Variants in RGL3 observed in about 807,000 individuals in gnomAD.
The protein encoded by RGL3 is ral guanine nucleotide dissociation stimulator-like 3.
In RGL3, 85 loss-of-function variants were observed where a neutral mutation model predicts 90.6. The ratio of observed to expected loss-of-function variants is 0.94; its 90% CI spans 0.79 to 1.12. The LOEUF (loss-of-function observed/expected upper bound fraction) is 1.12, where lower values mean the gene tolerates loss of function less well. Ranked by LOEUF, RGL3 falls within the 50% of genes most tolerant of loss-of-function variation. The pLI is 0.00. For synonymous variants in RGL3, 408 were observed against 385.5 expected, an observed-to-expected ratio of 1.06 and a Z score of -0.68; for missense variants, 1,034 against 939.2, an observed-to-expected ratio of 1.10 and a Z score of -1.32.
Position 11,414,504 on chromosome 19 carries a change from T to TATATATATACACCTTC in RGL3, c.637+1432_637+1433insGAAGGTGTATATATAT, listed in dbSNP as rs1555720236. Among the ~76,000 whole-genome samples, 344 of 96,662 alleles carry TATATATATACACCTTC rather than the reference T, an allele frequency of 3.6e-3. 23 individuals are homozygous for TATATATATACACCTTC. Among genetic ancestry groups the TATATATATACACCTTC allele is most frequent in the East Asian group, 0.027 (78 of 2,856 alleles). 63.4% of individuals were successfully genotyped at this position (96,662 alleles called of 152,430 possible). A position where few individuals can be genotyped will look rare whatever the true frequency, so the allele number is the denominator to read the frequency against. On this transcript the variant is annotated intron_variant, in intron 5 of 18. Coordinates refer to ENST00000380456, the MANE Select transcript of RGL3 (RefSeq NM_001035223.4). ...ATATACACCTTCATATATATATATA[T>TATATATATACACCTTC]ATATATATATATATATATATATATA...
At chr19:11,412,297 A>T (rs1009758831) in intron 5 of RGL3, among the ~76,000 whole-genome samples, 6 of 151,632 alleles carry the variant, frequency 4.0e-5, no homozygotes, top group Non-Finnish European at 8.8e-5. Flanking sequence ...AAAAAAAAAA[A>T]AAGTAAGCCT....
Position 11,394,470 on chromosome 19 carries a change from C to T in RGL3, c.2065G>A (p.Ala689Thr), listed in dbSNP as rs149297688. 5.3e-4 allele frequency: 851 copies of T among 1,613,914 alleles called. 13 individuals carry two copies. The East Asian group carries it at 0.014, about 26-fold the overall frequency. ...CGCCGCAGCATGAAGTCTCTGGGGG[C>T]GACTGGACTCATGGCATAGAAGACG... The part of the protein sequence containing the change: ...ANVFYAMSPV[A>T]PRDFMLRRKE... The change falls in exon 19 of 19, where the codon GCC (alanine) becomes ACC (threonine). Residue 689 changes from alanine (A) to threonine (T), a missense_variant. Ala to Thr is a moderately conservative substitution (Grantham distance 58). Transcript: ENST00000380456.
At chr19:11,397,177 T>C in intron 18 of RGL3, 67 bp downstream of exon 18, 1 of 1,363,068 alleles carries the variant, frequency 7.3e-7, no homozygotes, top group African/African-American at 1.4e-5. Flanking sequence ...GCTCCATCCT[T>C]GGGCGTGGTC....
rs1432005181 is a variant in RGL3, at chr19:11,414,159, A to ACC, written c.637+1777_637+1778insGG. ...CATATATATATATATATATATATAT[A>ACC]TATATATATATATATATACACCTAT... On this transcript the variant is annotated intron_variant, in intron 5 of 18. Coordinates refer to ENST00000380456, the MANE Select transcript of RGL3 (RefSeq NM_001035223.4). Among the ~76,000 whole-genome samples, 206 of 112,630 alleles carry ACC rather than the reference A, an allele frequency of 1.8e-3. 12 individuals are homozygous for ACC. Among genetic ancestry groups the ACC allele is most frequent in the South Asian group, 5.6e-3 (20 of 3,552 alleles). 73.9% of individuals were successfully genotyped at this position (112,630 alleles called of 152,430 possible).
chr19:11,406,984 T>A, intron 5 of RGL3, 120 bp from the exon 6 acceptor site: 2 of 1,045,676 alleles, frequency 1.9e-6, no homozygotes, highest in Non-Finnish European at 2.7e-6. Flanking sequence ...CGGAGAGCTC[T>A]CTTAAATTTT....
rs1197086931 is a variant in RGL3, at chr19:11,394,351, G to A, written c.*51C>T. On this transcript the variant is annotated 3_prime_UTR_variant, in exon 19 of 19. Transcript: ENST00000380456. The stretch of plus-strand genomic sequence containing the variant: ...GGGATGGCAGCTTTCCAGGAGAAGA[G>A]TCGCAAGCTTGCCTGTGGGACTTGT... The A allele has an allele frequency of 7.0e-7, 1 of 1,420,356 alleles. No individual in the cohort carries two copies. Among genetic ancestry groups the A allele is most frequent in the Non-Finnish European group, 1.0e-6 (1 of 1,004,054 alleles). The allele number at this position is 1,420,356 out of a possible 1,614,324, so 88.0% of individuals were successfully genotyped here. A position where few individuals can be genotyped will look rare whatever the true frequency, so the allele number is the denominator to read the frequency against.
At chr19:11,399,988 G>A (rs1477759871) in intron 15 of RGL3, 37 bp from the exon 16 acceptor site, 1 of 1,584,084 alleles carries the variant, frequency 6.3e-7, no homozygotes, top group Non-Finnish European at 8.6e-7. Flanking sequence ...GGGTGGCTGT[G>A]CTGACTCCTG....
chr19:11,403,349 T>C (rs1423264780), intron 9 of RGL3, among the ~76,000 whole-genome samples: 1 of 143,518 alleles, frequency 7.0e-6, no homozygotes, highest in African/African-American at 2.5e-5. Context: ...AAATTTTTTT[T>C]AAGAAAGGGC....
chr19:11,409,697 T>C (rs772368793), intron 5 of RGL3, among the ~76,000 whole-genome samples: 2 of 152,168 alleles, frequency 1.3e-5, no homozygotes, highest in Non-Finnish European at 2.9e-5. Context: ...CCAGAACCTA[T>C]GTTGCTGTCT....
At position 11,399,919 on chromosome 19, in the gene RGL3, C is replaced by T; in HGVS notation, c.1682G>A (p.Arg561Lys). ...ACTGCCAGCAGGAGCATCTCTGCTT[C>T]TAGGACTTGAGGGGGGTGACCCTGG... ...VSPGSPPSSP[R>K]SRDAPAGSPP... The change falls in exon 16 of 19, where the codon AGA becomes AAA. Residue 561 changes from arginine to lysine, a missense_variant. Coordinates refer to ENST00000380456, the MANE Select transcript of RGL3 (RefSeq NM_001035223.4). 6.5e-7 allele frequency: 1 copy of T among 1,539,356 alleles called. No homozygotes were observed. Among genetic ancestry groups the T allele is most frequent in the East Asian group, 2.4e-5 (1 of 41,444 alleles).
rs202052626 is a variant in RGL3 at position 11,417,032 on chromosome 19, G to A, written c.175C>T (p.Leu59Phe). ...QAPSPIANTF[L>F]HYRTSKVRVL... is the part of the protein sequence containing the mutation. ...CTCACCTTGCTGGTTCGATAGTGGA[G>A]GAAGGTATTGGCAATGGGGCTGGGA... is the stretch of plus-strand genomic sequence containing the variant. Residue 59 changes from leucine (L) to phenylalanine (F), a missense_variant, in exon 3 of 19, where the codon CTC becomes TTC. Coordinates refer to ENST00000380456, the MANE Select transcript of RGL3 (RefSeq NM_001035223.4). The A allele has an allele frequency of 5.6e-6, 9 of 1,609,482 alleles. No individual in the cohort carries two copies. In the East Asian group the frequency reaches 1.8e-4, roughly 32 times the overall value.
rs1327594726 is a variant in RGL3 at position 11,415,959 on chromosome 19, C to G, written c.615G>C (p.Glu205Asp). The G allele has an allele frequency of 1.2e-6, 2 of 1,613,644 alleles. No individual in the cohort carries two copies. Among genetic ancestry groups the G allele is most frequent in the African/African-American group, 1.3e-5 (1 of 74,998 alleles). The stretch of plus-strand genomic sequence containing the variant: ...CACCTGTCCACACCTGAGGCGGCTC[C>G]TCTTCCTGCTCTCGCTCAGCCTCCT... Reference protein sequence around the residue: ...FLEEAEREQEEEPPQVWTGPP... With the variant: ...FLEEAEREQEDEPPQVWTGPP... Residue 205 changes from glutamate to aspartate, a missense_variant, in exon 5 of 19, where the codon GAG becomes GAC. Coordinates refer to ENST00000380456, the MANE Select transcript of RGL3 (RefSeq NM_001035223.4).
At chr19:11,416,359 T>C in intron 4 of RGL3, 1 of 616,010 alleles carries the variant, frequency 1.6e-6, no homozygotes, top group East Asian at 2.7e-5. Flanking sequence ...GCTACCTTTT[T>C]TTGTTGTTGT....
chr19:11,400,284 G>A lies in RGL3; in HGVS notation c.1498C>T (p.Arg500Trp), dbSNP rs201767762. 9.2e-5 allele frequency: 146 copies of A among 1,591,158 alleles called. No homozygotes were observed. The highest frequency in any genetic ancestry group is 1.1e-4 in the Non-Finnish European group (134 of 1,168,790). Residue 500 changes from arginine (R) to tryptophan (W), a missense_variant, in exon 14 of 19, where the codon CGG becomes TGG. Coordinates refer to ENST00000380456, the MANE Select transcript of RGL3 (RefSeq NM_001035223.4). ...LTEEQSYRLSRVIEPPAASCP... is the reference protein window; with the variant it reads ...LTEEQSYRLSWVIEPPAASCP... Reference sequence around the variant, plus strand: ...GAGGCAGCTGGTGGCTCAATGACCCGGGAGAGCCGGTAGCTGAGGGGTCAA... The same window carrying A: ...GAGGCAGCTGGTGGCTCAATGACCCAGGAGAGCCGGTAGCTGAGGGGTCAA...
chr19:11,412,026 T>C (rs1968883100), intron 5 of RGL3, among the ~76,000 whole-genome samples: 1 of 152,168 alleles, frequency 6.6e-6, no homozygotes, highest in South Asian at 2.1e-4. Flanking sequence ...ACGCCTGTAA[T>C]ACCAACACTT....
chr19:11,414,215 TTA>T (rs58827677), intron 5 of RGL3, among the ~76,000 whole-genome samples: 5 of 74,638 alleles, frequency 6.7e-5, no homozygotes, highest in East Asian at 4.6e-4. Flanking sequence ...ATATATACCT[TTA>T]TATATATATA....
chr19:11,414,986 C>T (rs1010188812), intron 5 of RGL3, among the ~76,000 whole-genome samples: 5 of 151,830 alleles, frequency 3.3e-5, no homozygotes, highest in South Asian at 2.1e-4. Context: ...AAAAATTAGC[C>T]GGGCGTGGTG....
rs56098998 is a variant in RGL3, at chr19:11,414,134, C to CATAT, written c.637+1799_637+1802dup. On this transcript the variant is annotated intron_variant, in intron 5 of 18. Coordinates refer to ENST00000380456, the MANE Select transcript of RGL3 (RefSeq NM_001035223.4). ...ATGACTTGGAATCAGCTGGAGAAAT[C>CATAT]ATATATATATATATATATATATATA... 5.1e-3 allele frequency among the ~76,000 whole-genome samples: 156 copies of CATAT among 30,368 alleles called. 1 individual carries two copies. The highest frequency in any genetic ancestry group is 6.1e-3 in the Non-Finnish European group (110 of 17,978). 19.9% of individuals were successfully genotyped at this position (30,368 alleles called of 152,430 possible). A position where few individuals can be genotyped will look rare whatever the true frequency, so the allele number is the denominator to read the frequency against.
chr19:11,396,136 C>CTCTCTCTCTATA (rs1367805487), intron 18 of RGL3, among the ~76,000 whole-genome samples: 2 of 17,906 alleles, frequency 1.1e-4, no homozygotes, highest in African/African-American at 3.8e-4. Context: ...CTCTCTCTCT[C>CTCTCTCTCTATA]TATATATATA....
Sources: gnomAD v4.1 joint callset for allele counts (sites outside exome capture counted in the v4.1 genomes callset) on GRCh38, gnomAD v4.1.1 for gene constraint, MANE v1.5 for transcripts, NCBI Gene and HGNC (gene_info 2026-07-23, HGNC 2026-07-21) for gene names.